GPATCH8: variants seen among roughly 807,000 people sequenced by gnomAD.
GPATCH8 encodes the protein G patch domain-containing protein 8.
A neutral mutation model predicts 118.3 loss-of-function variants in GPATCH8; 18 were observed. That is an observed-to-expected ratio of 0.15 (90% CI 0.11 to 0.23). The LOEUF (loss-of-function observed/expected upper bound fraction) is 0.23. Ranked by LOEUF, GPATCH8 falls within the 10% of genes least tolerant of loss-of-function variation. The pLI, the probability that GPATCH8 is intolerant of heterozygous loss-of-function variation, is 1.00. For synonymous variants in GPATCH8, 659 were observed against 684.7 expected (o/e 0.96, Z 0.59); for missense variants, 1,631 against 1,873.8 (o/e 0.87, Z 2.39).
At chr17:44,471,975 ACTT>A (rs1027028936) in intron 2 of GPATCH8, among the ~76,000 whole-genome samples, 8 of 150,692 alleles carry the variant, frequency 5.3e-5, no homozygotes, top group African/African-American at 7.3e-5. Flanking sequence ...GTGTGTCAAT[ACTT>A]CTTTTTTTTT....
At chr17:44,428,319 C>T (rs2050164087) in intron 5 of GPATCH8, among the ~76,000 whole-genome samples, 2 of 151,620 alleles carry the variant, frequency 1.3e-5, no homozygotes, top group South Asian at 4.2e-4. Flanking sequence ...GTGATGAAAC[C>T]CTGTCTCTAC....
intron 1 of GPATCH8, among the ~76,000 whole-genome samples, chr17:44,501,430 AT>A (rs973850679): frequency 6.7e-4 from 85 of 127,112 alleles, no homozygotes; most frequent in African/African-American, 1.9e-3. Flanking sequence ...AAAAAAAAAA[AT>A]TTTTCCTGGC....
intron 6 of GPATCH8, among the ~76,000 whole-genome samples, chr17:44,406,316 T>G (rs1029965120): frequency 6.6e-6 from 1 of 152,094 alleles, no homozygotes; most frequent in African/African-American, 2.4e-5. Context: ...CAAGCAAATT[T>G]TAGAACACTG....
At chr17:44,421,296 G>A (rs1198053181) in intron 6 of GPATCH8, among the ~76,000 whole-genome samples, 1 of 151,664 alleles carries the variant, frequency 6.6e-6, no homozygotes, top group Non-Finnish European at 1.5e-5. Flanking sequence ...AGCCGAGATC[G>A]CGCCATTGCA....
At chr17:44,468,835 A>C (rs1037642763) in intron 2 of GPATCH8, among the ~76,000 whole-genome samples, 1 of 152,150 alleles carries the variant, frequency 6.6e-6, no homozygotes, top group Non-Finnish European at 1.5e-5. Flanking sequence ...ACATTTAAGA[A>C]CTGCAAAGAA....
At chr17:44,453,931 C>CA (rs11305518) in intron 3 of GPATCH8, among the ~76,000 whole-genome samples, 96 of 147,678 alleles carry the variant, frequency 6.5e-4, no homozygotes, top group African/African-American at 1.0e-3. Flanking sequence ...AGTTTAACCT[C>CA]AAAAAAAAAA....
chr17:44,472,530 G>C (rs1173596001), intron 2 of GPATCH8, among the ~76,000 whole-genome samples: 1 of 152,066 alleles, frequency 6.6e-6, no homozygotes, highest in African/African-American at 2.4e-5. Flanking sequence ...TGAATACTAG[G>C]TTGCAAATTT....
intron 6 of GPATCH8, among the ~76,000 whole-genome samples, chr17:44,413,827 C>A (rs1228204348): frequency 6.6e-6 from 1 of 151,940 alleles, no homozygotes; most frequent in Non-Finnish European, 1.5e-5. Context: ...GCCACGCTGG[C>A]CAGGCTGGTC....
At chr17:44,428,196 C>CA (rs934384107) in intron 5 of GPATCH8, among the ~76,000 whole-genome samples, 3 of 151,226 alleles carry the variant, frequency 2.0e-5, no homozygotes, top group Admixed American at 6.6e-5. Flanking sequence ...GGAAGTCCTT[C>CA]AAAAAGTACT....
intron 1 of GPATCH8, among the ~76,000 whole-genome samples, chr17:44,487,887 T>C (rs936028268): frequency 2.6e-5 from 4 of 152,194 alleles, no homozygotes; most frequent in Non-Finnish European, 5.9e-5. Context: ...TGATGGTGTT[T>C]ATGTTTTTGT....
chr17:44,463,971 T>A (rs113750209), intron 3 of GPATCH8, among the ~76,000 whole-genome samples: 6 of 152,158 alleles, frequency 3.9e-5, no homozygotes, highest in African/African-American at 1.4e-4. Flanking sequence ...TTATGTTTCA[T>A]GGAGGTTAAT....
chr17:44,491,974 TTA>T (rs549547235), intron 1 of GPATCH8, among the ~76,000 whole-genome samples: 348 of 152,244 alleles, frequency 2.3e-3, no homozygotes, highest in African/African-American at 8.3e-3. Context: ...CTGGGGATTA[TTA>T]GTGTCATTTC....
At position 44,432,013 on chromosome 17, in the gene GPATCH8, A is replaced by G. The variant is rs373477125; in HGVS notation, c.348+3052T>C. ...GGTTCTAAAGACAAGTGAAAAGAGA[A>G]GGTGGTAGCTATATGGAGAGTAAAT... On this transcript the variant is annotated intron_variant, in intron 5 of 7. Transcript: ENST00000591680. Among the ~76,000 whole-genome samples the G allele has an allele frequency of 3.4e-4, 51 of 151,850 alleles. No homozygotes were observed. In the East Asian group the frequency reaches 8.7e-3, roughly 26 times the overall value.
chr17:44,463,145 C>T (rs976435943), intron 3 of GPATCH8, among the ~76,000 whole-genome samples: 22 of 152,046 alleles, frequency 1.4e-4, no homozygotes, highest in Admixed American at 2.6e-4. Context: ...GTTTTGAACA[C>T]GTGGCCTCAA....
Position 44,398,537 on chromosome 17 carries a change from C to A in GPATCH8, c.3540G>T (p.Gly1180=). ...EEQEQSETEE[G]PPGSSDALFG... is the part of the protein sequence containing the mutation. ...ATAGGGCATCACTACTCCCTGGGGGCCCCTCTTCTGTCTCTGACTGTTCTT... is the reference window on the plus strand; with the variant it reads ...ATAGGGCATCACTACTCCCTGGGGGACCCTCTTCTGTCTCTGACTGTTCTT... The change falls in exon 8 of 8, where the codon GGG becomes GGT. Residue 1180 remains glycine (G), a synonymous_variant. Coordinates refer to ENST00000591680, the MANE Select transcript of GPATCH8 (RefSeq NM_001002909.4). 1 of 1,591,896 alleles carries A rather than the reference C, an allele frequency of 6.3e-7. No homozygotes were observed. The highest frequency in any genetic ancestry group is 1.2e-5 in the South Asian group (1 of 86,800).
At chr17:44,416,212 T>A (rs1222974672) in intron 6 of GPATCH8, among the ~76,000 whole-genome samples, 1 of 152,152 alleles carries the variant, frequency 6.6e-6, no homozygotes, top group South Asian at 2.1e-4. Context: ...CATTTCACCA[T>A]GTTGGCCAGG....
Position 44,398,955 on chromosome 17 carries a change from G to C in GPATCH8, c.3122C>G (p.Ser1041Ter), listed in dbSNP as rs549470415. Reference protein sequence around the residue: ...YRSQSPHYFRSGRGEGPGKKD... With the variant: ...YRSQSPHYFR ...CTTCCCAGGACCTTCTCCCCGGCCTGATCGGAAATAGTGGGGGGACTGGGA... is the reference window on the plus strand; with the variant it reads ...CTTCCCAGGACCTTCTCCCCGGCCTCATCGGAAATAGTGGGGGGACTGGGA... Residue 1041 changes from serine to a stop codon, truncating the protein, a stop_gained, in exon 8 of 8, where the codon TCA becomes TGA. Coordinates refer to ENST00000591680, the MANE Select transcript of GPATCH8 (RefSeq NM_001002909.4). LOFTEE classifies it high-confidence loss of function. 6.2e-7 allele frequency: 1 copy of C among 1,614,030 alleles called. No individual in the cohort carries two copies. The highest frequency in any genetic ancestry group is 8.5e-7 in the Non-Finnish European group (1 of 1,180,020).
chr17:44,408,310 C>T (rs1309836703), intron 6 of GPATCH8, among the ~76,000 whole-genome samples: 3 of 152,076 alleles, frequency 2.0e-5, no homozygotes, highest in East Asian at 1.9e-4. Context: ...CTTAGCCTCC[C>T]GAGTAGCTGG....
intron 6 of GPATCH8, chr17:44,409,394 C>T (rs1438320129): frequency 6.6e-6 from 1 of 152,170 alleles, no homozygotes; most frequent in African/African-American, 2.4e-5. Context: ...TTTTCCTTTA[C>T]CTAGAATGAA....
Sources: gnomAD v4.1 joint callset for allele counts (sites outside exome capture counted in the v4.1 genomes callset) on GRCh38, gnomAD v4.1.1 for gene constraint, MANE v1.5 for transcripts, NCBI Gene and HGNC (gene_info 2026-07-23, HGNC 2026-07-21) for gene names.